Variants in CSMD1 observed in about 807,000 individuals in gnomAD.
CSMD1 encodes CUB and Sushi multiple domains 1, also known as CUB and sushi domain-containing protein 1.
Under a neutral mutation model 417.5 loss-of-function variants are expected in CSMD1, and 213 were observed. The ratio of observed to expected loss-of-function variants is 0.51; its 90% confidence interval spans 0.46 to 0.57. The LOEUF (loss-of-function observed/expected upper bound fraction) is 0.57. Among genes scored for constraint, CSMD1 ranks in the 20% least tolerant of loss-of-function variants. The pLI, the probability that CSMD1 is intolerant of heterozygous loss-of-function variation, is 0.00. For synonymous variants in CSMD1, 2,862 were observed against 1,736.8 expected (o/e 1.65, Z -16.11); for missense variants, 6,923 against 4,529.7 (o/e 1.53, Z -15.17).
intron 41 of CSMD1, among the ~76,000 whole-genome samples, chr8:3,133,311 G>A (rs910836609): frequency 6.6e-6 from 1 of 152,180 alleles, no homozygotes; most frequent in African/African-American, 2.4e-5. Context: ...CTCAACAGGA[G>A]GCTACTTTCC....
chr8:4,036,198 A>C (rs1233322302), intron 3 of CSMD1, among the ~76,000 whole-genome samples: 1 of 152,200 alleles, frequency 6.6e-6, no homozygotes, highest in African/African-American at 2.4e-5. Flanking sequence ...GCACAGGGAC[A>C]AAATCACCTA....
At chr8:3,127,960 G>T (rs1239636316) in intron 41 of CSMD1, 2 of 125,000 alleles carry the variant, frequency 1.6e-5, no homozygotes, top group Non-Finnish European at 3.3e-5. Context: ...AGGAAGGAAA[G>T]AGGGAGGGAG....
chr8:4,248,670 T>C (rs1802858174), intron 3 of CSMD1, among the ~76,000 whole-genome samples: 1 of 152,108 alleles, frequency 6.6e-6, no homozygotes, highest in South Asian at 2.1e-4. Flanking sequence ...ACCATCAGCC[T>C]CCTGTCCTGC....
At chr8:4,338,850 G>T (rs1234318563) in intron 3 of CSMD1, among the ~76,000 whole-genome samples, 2 of 151,920 alleles carry the variant, frequency 1.3e-5, no homozygotes, top group African/African-American at 4.8e-5. Context: ...ATTACTTTTT[G>T]AAAGAAGAAA....
At chr8:4,136,863 TTTAC>T (rs1459406340) in intron 3 of CSMD1, among the ~76,000 whole-genome samples, 1 of 152,206 alleles carries the variant, frequency 6.6e-6, no homozygotes, top group East Asian at 1.9e-4. Context: ...TTTGTGATTA[TTTAC>T]GAATTTCAGA....
At chr8:4,560,649 G>C (rs1440778947) in intron 2 of CSMD1, among the ~76,000 whole-genome samples, 5 of 152,180 alleles carry the variant, frequency 3.3e-5, no homozygotes, top group African/African-American at 4.8e-5. Context: ...TCCTCAGCAA[G>C]ACTTCTGAAT....
chr8:3,304,949 T>G (rs1804709992), intron 25 of CSMD1, among the ~76,000 whole-genome samples: 1 of 152,214 alleles, frequency 6.6e-6, no homozygotes, highest in African/African-American at 2.4e-5. Flanking sequence ...CATAGATGAT[T>G]TCTACAACTT....
At chr8:2,979,398 G>A (rs1805214387) in intron 54 of CSMD1, among the ~76,000 whole-genome samples, 1 of 152,232 alleles carries the variant, frequency 6.6e-6, no homozygotes, top group African/African-American at 2.4e-5. Flanking sequence ...TCTGCGGCAT[G>A]CGGGACATGC....
intron 1 of CSMD1, among the ~76,000 whole-genome samples, chr8:4,933,847 A>G (rs1208429246): frequency 1.3e-5 from 2 of 152,192 alleles, no homozygotes; most frequent in African/African-American, 4.8e-5. Flanking sequence ...TTTGTACTAT[A>G]GATATTTACA....
intron 26 of CSMD1, among the ~76,000 whole-genome samples, chr8:3,240,733 G>T (rs1473175931): frequency 5.9e-5 from 9 of 152,106 alleles, no homozygotes; most frequent in East Asian, 1.9e-4. Context: ...TGTGGAGGGA[G>T]GTATCGAGGT....
intron 25 of CSMD1, among the ~76,000 whole-genome samples, chr8:3,285,089 A>C (rs1803046277): frequency 6.6e-6 from 1 of 152,162 alleles, no homozygotes. Flanking sequence ...TGAAACACCA[A>C]CAAAAATTAG....
At chr8:4,006,772 A>G (rs1242338787) in intron 4 of CSMD1, among the ~76,000 whole-genome samples, 2 of 150,450 alleles carry the variant, frequency 1.3e-5, no homozygotes, top group Admixed American at 6.6e-5. Context: ...ATTACGGCTT[A>G]TATCACCATT....
At chr8:3,170,689 A>G (rs148704367) in intron 37 of CSMD1, among the ~76,000 whole-genome samples, 1 of 152,352 alleles carries the variant, frequency 6.6e-6, no homozygotes, top group East Asian at 1.9e-4. Flanking sequence ...GCACAACTGT[A>G]GGAAATACAA....
At chr8:4,936,515 G>C (rs1807632759) in intron 1 of CSMD1, among the ~76,000 whole-genome samples, 1 of 152,160 alleles carries the variant, frequency 6.6e-6, no homozygotes, top group African/African-American at 2.4e-5. Context: ...ACTTCTATTG[G>C]ATGGATTGTA....
chr8:4,664,072 C>G (rs1804770490), intron 1 of CSMD1, among the ~76,000 whole-genome samples: 1 of 152,076 alleles, frequency 6.6e-6, no homozygotes. Flanking sequence ...TGTGTGGGTT[C>G]TGTGTGTGCG....
chr8:4,727,714 C>T (rs1809548775), intron 1 of CSMD1, among the ~76,000 whole-genome samples: 1 of 151,900 alleles, frequency 6.6e-6, no homozygotes, highest in Admixed American at 6.6e-5. Context: ...TGTGTTCTGC[C>T]AGTAATCTTC....
intron 18 of CSMD1, among the ~76,000 whole-genome samples, chr8:3,382,703 T>C (rs13276648): frequency 0.013 from 1,992 of 150,814 alleles, 20 homozygotes; most frequent in Non-Finnish European, 0.018. Flanking sequence ...GTTGGCTTAT[T>C]AGTGTTGCAT....
chr8:4,261,423 G>A (rs906672468), intron 3 of CSMD1, among the ~76,000 whole-genome samples: 29 of 152,192 alleles, frequency 1.9e-4, no homozygotes, highest in African/African-American at 7.0e-4. Flanking sequence ...GGGGAAATGG[G>A]GAATAATTGT....
At chr8:3,752,506 T>C (rs1285555089) in intron 6 of CSMD1, among the ~76,000 whole-genome samples, 1 of 151,574 alleles carries the variant, frequency 6.6e-6, no homozygotes, top group Non-Finnish European at 1.5e-5. Flanking sequence ...AATACAAAAT[T>C]AGCCGGGTGT....
Sources: allele counts gnomAD v4.1 joint callset (sites outside exome capture counted in the v4.1 genomes callset), GRCh38; gene constraint gnomAD v4.1.1; transcripts MANE v1.5; gene names NCBI Gene and HGNC (gene_info 2026-07-23, HGNC 2026-07-21).